ANKS1A: variants seen among roughly 807,000 people sequenced by gnomAD.
The protein encoded by ANKS1A is ankyrin repeat and sterile alpha motif domain containing 1A.
A neutral mutation model predicts 120.3 loss-of-function variants in ANKS1A; 55 were observed. The ratio of observed to expected loss-of-function variants is 0.46; its 90% confidence interval spans 0.37 to 0.57. ANKS1A has a LOEUF of 0.57. ANKS1A is among the 20% of genes least tolerant of loss of function. ANKS1A has a pLI of 0.00. For synonymous variants in ANKS1A, 590 were observed against 604.7 expected (o/e 0.98, Z 0.36); for missense variants, 1,123 against 1,480.3 (o/e 0.76, Z 3.96).
rs73745085 is a variant in ANKS1A, at chr6:35,059,644, G to A, written c.2078-503G>A. ...CCTGACTGGTTTATGCTGCAAGGTC[G>A]CAGAACTTGCCCCTCGCCACGGCCC... On this transcript the variant is annotated intron_variant, in intron 12 of 23. Transcript: ENST00000360359. Among the ~76,000 whole-genome samples the A allele has an allele frequency of 5.4e-3, 827 of 152,324 alleles. 8 individuals carry two copies. Among genetic ancestry groups the A allele is most frequent in the African/African-American group, 0.016 (659 of 41,566 alleles).
At position 35,086,337 on chromosome 6, in the gene ANKS1A, T is replaced by G; in HGVS notation, c.3303+401T>G. The G allele has an allele frequency of 7.7e-7, 1 of 1,299,894 alleles. No homozygotes were observed. The highest frequency in any genetic ancestry group is 1.0e-6 in the Non-Finnish European group (1 of 996,054). The allele number at this position is 1,299,894 out of a possible 1,614,324, so 80.5% of individuals were successfully genotyped here. A position where few individuals can be genotyped will look rare whatever the true frequency, so the allele number is the denominator to read the frequency against. On this transcript the variant is annotated intron_variant, in intron 22 of 23. Coordinates refer to ENST00000360359, the MANE Select transcript of ANKS1A (RefSeq NM_015245.3). This position sits in a 1 kb window ranked among gnomAD's most constrained non-coding sequence, Gnocchi z 5.1. ...TGCACCACCCACCGTCCTTCCTACC[T>G]ACCGCTGCCATCTGTTAGTCCTGGA...
In ANKS1A at chr6:35,089,887, A is replaced by G; in HGVS notation, c.*1278A>G. On this transcript the variant is annotated 3_prime_UTR_variant, in exon 24 of 24. Coordinates refer to ENST00000360359, the MANE Select transcript of ANKS1A (RefSeq NM_015245.3). ...TTAGCAGGCTCCGAGCTTTCCTGGC[A>G]TAGGTCAATCAGGTCCCAGGATGAA... The G allele has an allele frequency of 8.9e-7, 1 of 1,122,954 alleles. No homozygotes were observed. The highest frequency in any genetic ancestry group is 1.1e-6 in the Non-Finnish European group (1 of 908,148). 69.6% of individuals were successfully genotyped at this position (1,122,954 alleles called of 1,614,324 possible). A position where few individuals can be genotyped will look rare whatever the true frequency, so the allele number is the denominator to read the frequency against.
At chr6:35,080,973 C>T in intron 16 of ANKS1A, 21 bp from the exon 17 acceptor site, 2 of 1,607,184 alleles carry the variant, frequency 1.2e-6, no homozygotes, top group Non-Finnish European at 1.7e-6. Context: ...GCAAGTTCCA[C>T]CTGGATTTTT....
chr6:35,065,728 G>C (rs1199066394), intron 13 of ANKS1A, among the ~76,000 whole-genome samples: 3 of 152,236 alleles, frequency 2.0e-5, no homozygotes, highest in Non-Finnish European at 4.4e-5. Context: ...GGCTGGGTGA[G>C]TGCATCACCC....
intron 1 of ANKS1A, 71 bp from the exon 2 acceptor site, chr6:34,967,168 C>A: frequency 6.9e-7 from 1 of 1,452,280 alleles, no homozygotes; most frequent in Non-Finnish European, 9.5e-7. Flanking sequence ...AATTAGCTAG[C>A]TATCTCTAAC....
intron 10 of ANKS1A, among the ~76,000 whole-genome samples, chr6:34,999,834 G>GCAGAGAC (rs1773063024): frequency 6.6e-6 from 1 of 151,728 alleles, no homozygotes; most frequent in Non-Finnish European, 1.5e-5. Context: ...CCAGCAGAGA[G>GCAGAGAC]AAAGAGAGGA....
chr6:35,083,528 G>A (rs1777799113), intron 20 of ANKS1A, 25 bp downstream of exon 20: 1 of 1,610,150 alleles, frequency 6.2e-7, no homozygotes. Context: ...GGGACTCTTG[G>A]TGGGAGTGGG....
At chr6:34,993,088 C>T (rs148297753) in intron 9 of ANKS1A, among the ~76,000 whole-genome samples, 1,891 of 152,222 alleles carry the variant, frequency 0.012, 18 homozygotes, top group Middle Eastern at 0.02. Context: ...GTTTGTAATA[C>T]GTTACTTGTC....
At chr6:35,055,322 G>C (rs1465347453) in intron 12 of ANKS1A, among the ~76,000 whole-genome samples, 1 of 151,710 alleles carries the variant, frequency 6.6e-6, no homozygotes, top group Non-Finnish European at 1.5e-5. Flanking sequence ...ATAAGTAGTA[G>C]ATAAAAAAAA....
At chr6:35,075,666 G>T (rs901212297) in intron 13 of ANKS1A, among the ~76,000 whole-genome samples, 5 of 152,028 alleles carry the variant, frequency 3.3e-5, no homozygotes. Flanking sequence ...TGCCCACTTC[G>T]ATCTCCCAAA....
chr6:34,930,879 CTT>C (rs1224588141), intron 1 of ANKS1A, among the ~76,000 whole-genome samples: 15 of 139,150 alleles, frequency 1.1e-4, no homozygotes, highest in Non-Finnish European at 7.9e-5. Context: ...CACATAAAGT[CTT>C]TTTTTTTTTT....
rs567918497 is a variant in ANKS1A, at chr6:35,050,851, A to G, written c.2011-3248A>G. Among the ~76,000 whole-genome samples, 7 of 152,156 alleles carry G rather than the reference A, an allele frequency of 4.6e-5. No individual in the cohort carries two copies. The highest frequency in any genetic ancestry group is 1.4e-4 in the African/African-American group (6 of 41,514). ...CAAGACAGGTTCCAGTTGCTGAGGAAGGAGTCCAGGGTTACAGGCTGTGAG... is the reference window on the plus strand; with the variant it reads ...CAAGACAGGTTCCAGTTGCTGAGGAGGGAGTCCAGGGTTACAGGCTGTGAG... On this transcript the variant is annotated intron_variant, in intron 11 of 23. Coordinates refer to ENST00000360359, the MANE Select transcript of ANKS1A (RefSeq NM_015245.3). The surrounding 1 kb of genome is among the most constrained non-coding windows in gnomAD (Gnocchi z 4.3).
rs200325358 is a variant in ANKS1A, at chr6:35,017,682, G to A, written c.1633G>A (p.Glu545Lys). The change falls in exon 11 of 24, where the codon GAG (glutamate) becomes AAG (lysine). Residue 545 changes from glutamate to lysine, a missense_variant. Coordinates refer to ENST00000360359, the MANE Select transcript of ANKS1A (RefSeq NM_015245.3). ...GACHKASMQL[E>K]ETGVHAPGAS... is the part of the protein sequence containing the mutation. ...CTGCCACAAGGCCAGCATGCAGCTG[G>A]AGGAGACGGGTGTGCATGCTCCTGG... 8 of 1,613,936 alleles carry A rather than the reference G, an allele frequency of 5.0e-6. No individual in the cohort carries two copies. The highest frequency in any genetic ancestry group is 6.8e-6 in the Non-Finnish European group (8 of 1,180,004).
intron 10 of ANKS1A, among the ~76,000 whole-genome samples, chr6:35,000,007 T>C (rs1325533391): frequency 6.6e-6 from 1 of 151,844 alleles, no homozygotes; most frequent in African/African-American, 2.4e-5. Flanking sequence ...ATACAAGTAC[T>C]TAAGAAAAAA....
At chr6:34,974,171 T>C (rs1391108445) in intron 3 of ANKS1A, among the ~76,000 whole-genome samples, 2 of 1,908 alleles carry the variant, frequency 1.0e-3, no homozygotes, top group Non-Finnish European at 1.7e-3. Context: ...CTTCCCTTCC[T>C]CTTCCCCTTC....
At chr6:35,067,299 G>T (rs1017302322) in intron 13 of ANKS1A, among the ~76,000 whole-genome samples, 6 of 152,122 alleles carry the variant, frequency 3.9e-5, no homozygotes, top group Non-Finnish European at 8.8e-5. Flanking sequence ...GGAAACATGT[G>T]CTCCCCCTCC....
At chr6:35,008,098 G>A (rs897896975) in intron 10 of ANKS1A, among the ~76,000 whole-genome samples, 1 of 152,160 alleles carries the variant, frequency 6.6e-6, no homozygotes, top group African/African-American at 2.4e-5. Context: ...AAGAAGTCCA[G>A]GCTAGATTTT....
intron 1 of ANKS1A, among the ~76,000 whole-genome samples, chr6:34,945,432 A>G (rs1434439654): frequency 1.3e-5 from 2 of 152,098 alleles, no homozygotes; most frequent in Admixed American, 6.6e-5. Context: ...GTCTAGATTC[A>G]CTTTTTTTGC....
In ANKS1A at chr6:35,057,097, C is replaced by CCAG. The variant is rs1291137013; in HGVS notation, c.2077+2935_2077+2937dup. Reference sequence around the variant, plus strand: ...AGCCCTGCACCAAGTGTGGGATTGCCCAGCACCACTGGTTTTGCAGAGGCG... The same window carrying CCAG: ...AGCCCTGCACCAAGTGTGGGATTGCCCAGCAGCACCACTGGTTTTGCAGAGGCG... On this transcript the variant is annotated intron_variant, in intron 12 of 23. Transcript: ENST00000360359. The surrounding 1 kb of genome is among the most constrained non-coding windows in gnomAD (Gnocchi z 4.1). 6.6e-6 allele frequency among the ~76,000 whole-genome samples: 1 copy of CCAG among 152,112 alleles called. No individual in the cohort carries two copies. Among genetic ancestry groups the CCAG allele is most frequent in the East Asian group, 2.0e-4 (1 of 5,104 alleles).
Sources: gnomAD v4.1 joint callset for allele counts (sites outside exome capture counted in the v4.1 genomes callset) on GRCh38, gnomAD v4.1.1 for gene constraint, Gnocchi (gnomAD v3.1) non-coding constraint, MANE v1.5 for transcripts, NCBI Gene and HGNC (gene_info 2026-07-23, HGNC 2026-07-21) for gene names.